Variants in FRYL observed in about 807,000 individuals in gnomAD.
FRYL encodes FRY like transcription coactivator.
FRYL carries 150 observed loss-of-function variants against 351.2 expected under a neutral mutation model. That is an observed-to-expected ratio of 0.43 (90% CI 0.37 to 0.49). The LOEUF is 0.49. Ranked by LOEUF, FRYL falls within the 20% of genes least tolerant of loss-of-function variation. The pLI is 0.00. For synonymous variants in FRYL, 1,153 were observed against 1,257.1 expected (o/e 0.92, Z 1.75); for missense variants, 3,036 against 3,619.3 (o/e 0.84, Z 4.13).
At position 48,542,063 on chromosome 4, in the gene FRYL, G is replaced by A; in HGVS notation, c.5651C>T (p.Thr1884Ile). 1 of 1,613,760 alleles carries A rather than the reference G, an allele frequency of 6.2e-7. No homozygotes were observed. The change falls in exon 45 of 64, where the codon ACC becomes ATC. Residue 1884 changes from threonine (T) to isoleucine (I), a missense_variant. By Grantham distance (89) the Thr-to-Ile change is moderately conservative. This residue lies in a region of FRYL where 1,987 missense variants were observed against 2,311.7 expected (regional missense o/e 0.86). Transcript: ENST00000358350. Reference protein sequence around the residue: ...LESAIDTLAETMKHYDLLSAL... With the variant: ...LESAIDTLAEIMKHYDLLSAL... ...AGAAAGAAGATCATAATGCTTCATG[G>A]TTTCAGCCAAAGTATCAATTGCAGA...
intron 23 of FRYL, 82 bp from the exon 24 acceptor site, chr4:48,576,304 CTTTT>C: frequency 2.8e-4 from 212 of 768,662 alleles, no homozygotes; most frequent in Admixed American, 3.6e-4. Flanking sequence ...TGCTAAATTT[CTTTT>C]TTTTTTTTTT....
In FRYL at chr4:48,619,312, A is replaced by C; in HGVS notation, c.373T>G (p.Phe125Val). The change falls in exon 7 of 64, where the codon TTC becomes GTC. Residue 125 changes from phenylalanine (F) to valine (V), a missense_variant. Transcript: ENST00000358350. ...TCAACTAAAACTAAACAAAAAATGA[A>C]GTCTACTGCTAAGTCCCTCCTTTCA... ...LLERRDLAVD[F>V]IFCLVLVEVL... 2 of 1,609,322 alleles carry C rather than the reference A, an allele frequency of 1.2e-6. No homozygotes were observed. The highest frequency in any genetic ancestry group is 1.7e-6 in the Non-Finnish European group (2 of 1,178,220).
chr4:48,564,062 T>A lies in FRYL; in HGVS notation c.3482A>T (p.Glu1161Val). 1 of 1,614,098 alleles carries A rather than the reference T, an allele frequency of 6.2e-7. No homozygotes were observed. The change falls in exon 31 of 64, where the codon GAG becomes GTG. Residue 1161 changes from glutamate to valine, a missense_variant. Coordinates refer to ENST00000358350, the MANE Select transcript of FRYL (RefSeq NM_015030.2). ...CAGGTTGCTCTGATCAGGGTTCAGC[T>A]CCAGTAACAACGTAACTGCTTCACA... ...LGCEAVTLLL[E>V]LNPDQSNLMY...
intron 3 of FRYL, among the ~76,000 whole-genome samples, chr4:48,663,520 T>G (rs1761178269): frequency 6.6e-6 from 1 of 151,478 alleles, no homozygotes; most frequent in East Asian, 1.9e-4. Context: ...GTGGTTACCT[T>G]CAATACAAGT....
At chr4:48,546,504 G>A in intron 41 of FRYL, 1 of 482,772 alleles carries the variant, frequency 2.1e-6, no homozygotes, top group Non-Finnish European at 3.7e-6. Context: ...GATGTACTAT[G>A]CAGTCCTCTG....
At chr4:48,643,555 C>T (rs1310307963) in intron 3 of FRYL, among the ~76,000 whole-genome samples, 1 of 152,094 alleles carries the variant, frequency 6.6e-6, no homozygotes, top group Non-Finnish European at 1.5e-5. Context: ...GCAAAACAAA[C>T]CTATTTCGAT....
chr4:48,648,104 T>C (rs1359191905), intron 3 of FRYL, among the ~76,000 whole-genome samples: 1 of 152,206 alleles, frequency 6.6e-6, no homozygotes, highest in Non-Finnish European at 1.5e-5. Context: ...GTAGGTATTA[T>C]ATACTTGTTT....
At chr4:48,709,121 C>T (rs1470634257) in intron 2 of FRYL, among the ~76,000 whole-genome samples, 1 of 151,814 alleles carries the variant, frequency 6.6e-6, no homozygotes, top group Non-Finnish European at 1.5e-5. Flanking sequence ...TGGGTTTCAC[C>T]GTGTTAGCCA....
intron 33 of FRYL, among the ~76,000 whole-genome samples, chr4:48,560,982 G>C (rs1305905966): frequency 6.6e-6 from 1 of 152,194 alleles, no homozygotes; most frequent in African/African-American, 2.4e-5. Flanking sequence ...ACAAGATCTT[G>C]ATGTAGGCGA....
In FRYL at chr4:48,604,642, C is replaced by T. The variant is rs568885988; in HGVS notation, c.834+1099G>A. On this transcript the variant is annotated intron_variant, in intron 11 of 63. Transcript: ENST00000358350. ...GCATGGAGCAGGTTCCTCCTCACAG[C>T]TCTTAGAAGGAACCAACCTGCTGGC... is the stretch of plus-strand genomic sequence containing the variant. Among the ~76,000 whole-genome samples the T allele has an allele frequency of 1.1e-4, 16 of 152,322 alleles. No individual in the cohort carries two copies. The East Asian group carries it at 3.1e-3, about 29-fold the overall frequency.
At chr4:48,658,331 A>G (rs564090784) in intron 3 of FRYL, among the ~76,000 whole-genome samples, 34 of 152,008 alleles carry the variant, frequency 2.2e-4, no homozygotes, top group Admixed American at 2.2e-3. Flanking sequence ...GAAATTGGCA[A>G]TTTTTTCTAT....
intron 2 of FRYL, among the ~76,000 whole-genome samples, chr4:48,706,124 C>T (rs574697682): frequency 2.0e-5 from 3 of 152,278 alleles, no homozygotes; most frequent in Non-Finnish European, 2.9e-5. Flanking sequence ...TGAGCCACTG[C>T]GCCTGGCCTC....
At chr4:48,513,875 T>C (rs753535119) in intron 56 of FRYL, among the ~76,000 whole-genome samples, 1 of 152,212 alleles carries the variant, frequency 6.6e-6, no homozygotes, top group Non-Finnish European at 1.5e-5. Flanking sequence ...AAGTCAACTG[T>C]TTGGCTTCAG....
chr4:48,531,527 T>C (rs116492301), intron 49 of FRYL, among the ~76,000 whole-genome samples, 174 bp from the exon 50 acceptor site: 2,274 of 152,308 alleles, frequency 0.015, 33 homozygotes, highest in Middle Eastern at 0.02. Flanking sequence ...ACACAAGTTA[T>C]TATTTGTACT....
At chr4:48,763,111 A>AG (rs1379140720) in intron 1 of FRYL, among the ~76,000 whole-genome samples, 4 of 148,714 alleles carry the variant, frequency 2.7e-5, no homozygotes, top group African/African-American at 5.1e-5. Context: ...ATCTGTAAAA[A>AG]AAAAAAAAAA....
At chr4:48,767,019 A>T (rs1422959428) in intron 1 of FRYL, among the ~76,000 whole-genome samples, 1 of 147,766 alleles carries the variant, frequency 6.8e-6, no homozygotes, top group Non-Finnish European at 1.5e-5. Context: ...TATATATTAT[A>T]TATAAAATAT....
chr4:48,754,033 A>C (rs1275836192), intron 1 of FRYL, among the ~76,000 whole-genome samples: 1 of 152,232 alleles, frequency 6.6e-6, no homozygotes, highest in East Asian at 1.9e-4. Context: ...CTTTTTAAAA[A>C]CTAAGGTAAA....
intron 3 of FRYL, among the ~76,000 whole-genome samples, chr4:48,654,545 C>T (rs1423180411): frequency 6.6e-6 from 1 of 152,158 alleles, no homozygotes; most frequent in African/African-American, 2.4e-5. Context: ...GCTGAGCCCC[C>T]ATCAGCCTCT....
intron 5 of FRYL, among the ~76,000 whole-genome samples, chr4:48,622,388 A>C (rs1218888382): frequency 6.6e-6 from 1 of 152,142 alleles, no homozygotes; most frequent in Non-Finnish European, 1.5e-5. Context: ...TACTAAATGT[A>C]TGTATCAGAA....
Sources: allele counts gnomAD v4.1 joint callset (sites outside exome capture counted in the v4.1 genomes callset), GRCh38; gene constraint gnomAD v4.1.1; regional missense constraint gnomAD v4.1.1; transcripts MANE v1.5; gene names NCBI Gene and HGNC (gene_info 2026-07-23, HGNC 2026-07-21).